Variants in EPHA5 observed in about 807,000 individuals in gnomAD.
The protein encoded by EPHA5 is ephrin type-A receptor 5.
EPHA5 carries 60 observed loss-of-function variants against 105.0 expected under a neutral mutation model. The ratio of observed to expected loss-of-function variants is 0.57; its 90% CI spans 0.46 to 0.71. The LOEUF (loss-of-function observed/expected upper bound fraction) is 0.71, where lower values mean the gene tolerates loss of function less well. EPHA5 is among the 30% of genes least tolerant of loss of function. The pLI is 0.00. For missense variants in EPHA5, 1,218 were observed against 1,274.7 expected, an observed-to-expected ratio of 0.96 and a Z score of 0.68; for synonymous variants, 513 against 449.1, an observed-to-expected ratio of 1.14 and a Z score of -1.80.
intron 3 of EPHA5, among the ~76,000 whole-genome samples, chr4:65,553,737 A>C (rs1738137083): frequency 6.6e-6 from 1 of 152,080 alleles, no homozygotes; most frequent in African/African-American, 2.4e-5. Context: ...TAAATATTGC[A>C]GTGCATATAT....
intron 3 of EPHA5, among the ~76,000 whole-genome samples, chr4:65,555,867 G>A (rs961335688): frequency 6.6e-6 from 1 of 151,978 alleles, no homozygotes; most frequent in Non-Finnish European, 1.5e-5. Context: ...TTATTTAGAA[G>A]CTCTTTTTTT....
At position 65,669,699 on chromosome 4, in the gene EPHA5, G is replaced by A. The variant is rs761462274; in HGVS notation, c.44C>T (p.Pro15Leu). ...GATGGGGGTGTCGCCGCCGCCGCTT[G>A]GGGGCCGCCGGCGTCCCGCACCCCG... ...GPRGAGRRRP[P>L]SGGGDTPITP... The change falls in exon 1 of 17, where the codon CCA (proline) becomes CTA (leucine). Residue 15 changes from proline to leucine, a missense_variant. Physicochemically the swap from Pro to Leu is moderately conservative, Grantham distance 98 (BLOSUM62 -3). This residue lies in a region of EPHA5 where 233 missense variants were observed against 227.5 expected (regional missense o/e 1.02). Transcript: ENST00000613740. 3.1e-6 allele frequency: 4 copies of A among 1,297,690 alleles called. No homozygotes were observed. Among genetic ancestry groups the A allele is most frequent in the Admixed American group, 3.9e-5 (1 of 25,794 alleles). The allele number at this position is 1,297,690 out of a possible 1,614,324, so 80.4% of individuals were successfully genotyped here.
Position 65,517,130 on chromosome 4 carries a change from T to A in EPHA5, c.911-21587A>T, listed in dbSNP as rs149728084. Among the ~76,000 whole-genome samples the A allele has an allele frequency of 2.1e-3, 318 of 152,176 alleles. 1 individual carries two copies. The highest frequency in any genetic ancestry group is 7.0e-3 in the African/African-American group (291 of 41,550). On this transcript the variant is annotated intron_variant, in intron 3 of 16. Coordinates refer to ENST00000613740, the MANE Select transcript of EPHA5 (RefSeq NM_001281766.3). ...ATTAATTCTGTCACATTTTACTTCATGTATTTAGGGACTTTTTAAATGTAC... is the reference window on the plus strand; with the variant it reads ...ATTAATTCTGTCACATTTTACTTCAAGTATTTAGGGACTTTTTAAATGTAC...
chr4:65,336,224 C>T (rs1327662490), intron 14 of EPHA5, 99 bp from the exon 15 acceptor site: 1 of 909,042 alleles, frequency 1.1e-6, no homozygotes, highest in Non-Finnish European at 1.5e-6. Context: ...CTTTCTTATC[C>T]TTACTCTTGC....
chr4:65,559,877 C>T (rs2149355242), intron 3 of EPHA5, among the ~76,000 whole-genome samples: 1 of 152,204 alleles, frequency 6.6e-6, no homozygotes, highest in Non-Finnish European at 1.5e-5. Context: ...GTCTCGATTA[C>T]TGAAAAGGTG....
At chr4:65,523,976 C>T (rs1041006844) in intron 3 of EPHA5, among the ~76,000 whole-genome samples, 1 of 151,788 alleles carries the variant, frequency 6.6e-6, no homozygotes, top group East Asian at 1.9e-4. Flanking sequence ...TGATGAAAAT[C>T]CTAGAAGTAA....
intron 1 of EPHA5, among the ~76,000 whole-genome samples, chr4:65,659,319 G>GAAAAAAAAAAAAAAAAAAAAA (rs5858980): frequency 2.8e-5 from 2 of 71,602 alleles, no homozygotes; most frequent in Admixed American, 1.7e-4. Context: ...TAGAGTAACA[G>GAAAAAAAAAAAAAAAAAAAAA]AAAAAAAAAA....
intron 14 of EPHA5, among the ~76,000 whole-genome samples, chr4:65,337,988 G>A (rs1478909784): frequency 1.3e-5 from 2 of 151,648 alleles, no homozygotes; most frequent in East Asian, 3.9e-4. Flanking sequence ...GTAATTATAA[G>A]GCAAACTCCA....
chr4:65,580,604 T>TATAAA (rs1484213756), intron 3 of EPHA5, among the ~76,000 whole-genome samples: 3 of 151,542 alleles, frequency 2.0e-5, no homozygotes, highest in Non-Finnish European at 4.4e-5. Flanking sequence ...GTGAAACACA[T>TATAAA]ATCAAATAAA....
chr4:65,554,981 C>CAAAAAAAAAAAAAAAAAAAAA (rs71205383), intron 3 of EPHA5, among the ~76,000 whole-genome samples: 1 of 92,620 alleles, frequency 1.1e-5, no homozygotes, highest in Non-Finnish European at 2.1e-5. Context: ...TATACAACAG[C>CAAAAAAAAAAAAAAAAAAAAA]AAAAAAAAAA....
chr4:65,509,463 G>A (rs1224341041), intron 3 of EPHA5, among the ~76,000 whole-genome samples: 9 of 152,128 alleles, frequency 5.9e-5, no homozygotes, highest in African/African-American at 1.7e-4. Flanking sequence ...AGAAGCCAGA[G>A]AGGGAAGAAA....
chr4:65,431,156 C>T (rs536678404), intron 5 of EPHA5, among the ~76,000 whole-genome samples: 2 of 152,246 alleles, frequency 1.3e-5, no homozygotes, highest in South Asian at 2.1e-4. Flanking sequence ...ACGGTACACA[C>T]AAAATGACTG....
intron 3 of EPHA5, among the ~76,000 whole-genome samples, chr4:65,586,381 T>C (rs1353379387): frequency 3.3e-5 from 5 of 151,798 alleles, no homozygotes; most frequent in Admixed American, 2.6e-4. Context: ...TGATGCCATG[T>C]ATAAACATAT....
intron 7 of EPHA5, among the ~76,000 whole-genome samples, chr4:65,412,185 T>G (rs999306519): frequency 6.6e-6 from 1 of 152,046 alleles, no homozygotes; most frequent in African/African-American, 2.4e-5. Context: ...CCAAGATAGC[T>G]CCATTGCACT....
intron 2 of EPHA5, among the ~76,000 whole-genome samples, chr4:65,622,260 C>A (rs1454924704): frequency 6.6e-6 from 1 of 152,008 alleles, no homozygotes; most frequent in Non-Finnish European, 1.5e-5. Context: ...ATTAAATCTT[C>A]CAACTAGTGT....
chr4:65,343,764 C>T (rs1307456631), intron 14 of EPHA5, among the ~76,000 whole-genome samples: 1 of 152,142 alleles, frequency 6.6e-6, no homozygotes, highest in Non-Finnish European at 1.5e-5. Context: ...GTATTATAGA[C>T]AGATATTTTA....
intron 2 of EPHA5, among the ~76,000 whole-genome samples, chr4:65,622,989 A>C (rs1296068218): frequency 6.6e-6 from 1 of 152,136 alleles, no homozygotes; most frequent in Non-Finnish European, 1.5e-5. Flanking sequence ...GCATATATTC[A>C]TTATATAACA....
intron 5 of EPHA5, among the ~76,000 whole-genome samples, chr4:65,431,374 T>C (rs1275507795): frequency 6.6e-6 from 1 of 152,158 alleles, no homozygotes; most frequent in Non-Finnish European, 1.5e-5. Flanking sequence ...CTTTGATACT[T>C]CACGATTAAT....
At chr4:65,332,582 G>T (rs1043373295) in intron 15 of EPHA5, among the ~76,000 whole-genome samples, 3 of 147,644 alleles carry the variant, frequency 2.0e-5, no homozygotes, top group Non-Finnish European at 4.5e-5. Context: ...GGTAATAAAT[G>T]TGTCATTCTG....
Sources: allele counts gnomAD v4.1 joint callset (sites outside exome capture counted in the v4.1 genomes callset), GRCh38; gene constraint gnomAD v4.1.1; regional missense constraint gnomAD v4.1.1; transcripts MANE v1.5; gene names NCBI Gene and HGNC (gene_info 2026-07-23, HGNC 2026-07-21).